GPHN: variants seen among roughly 807,000 people sequenced by gnomAD.
GPHN encodes gephyrin.
Under a neutral mutation model 95.5 loss-of-function variants are expected in GPHN, and 17 were observed. That is an observed-to-expected ratio of 0.18 (90% CI 0.12 to 0.27). The LOEUF (loss-of-function observed/expected upper bound fraction) is 0.27, where lower values mean the gene tolerates loss of function less well. Among genes scored for constraint, GPHN ranks in the 10% least tolerant of loss-of-function variants. The pLI, the probability that GPHN is intolerant of heterozygous loss-of-function variation, is 1.00. For synonymous variants in GPHN, 320 were observed against 322.5 expected (o/e 0.99, Z 0.08); for missense variants, 660 against 978.1 (o/e 0.67, Z 4.34).
the GPHN span, chr14:67,271,959 T>C: frequency 4.0e-5 from 6 of 151,856 alleles, no homozygotes; most frequent in Non-Finnish European, 7.4e-5. Context: ...TAATCTCAGC[T>C]ACTCAGGAGG....
intron 12 of GPHN, among the ~76,000 whole-genome samples, chr14:67,100,034 T>A (rs553265272): frequency 4.6e-5 from 7 of 152,304 alleles, no homozygotes; most frequent in Admixed American, 3.9e-4. Flanking sequence ...CTAGCCATTG[T>A]TATACTGTAC....
At chr14:66,811,263 C>T (rs910391777) in intron 3 of GPHN, among the ~76,000 whole-genome samples, 1 of 151,962 alleles carries the variant, frequency 6.6e-6, no homozygotes, top group Non-Finnish European at 1.5e-5. Flanking sequence ...ACCCATGTAA[C>T]AAACCTGAAC....
chr14:67,186,623 A>AT (rs1408459170), downstream of GPHN, among the ~76,000 whole-genome samples: 4 of 152,292 alleles, frequency 2.6e-5, no homozygotes, highest in East Asian at 5.8e-4. Flanking sequence ...CCAGTTGCTG[A>AT]TTCTGAGAAT....
At chr14:67,067,937 C>T (rs1196631638) in intron 11 of GPHN, among the ~76,000 whole-genome samples, 6 of 152,238 alleles carry the variant, frequency 3.9e-5, no homozygotes, top group Non-Finnish European at 7.3e-5. Flanking sequence ...CGCCCTGCTT[C>T]GACTCGCCCT....
At chr14:67,182,862 T>G (rs1009844025), downstream of GPHN, among the ~76,000 whole-genome samples, 5 of 132,226 alleles carry the variant, frequency 3.8e-5, no homozygotes. Flanking sequence ...TTTTTTTTTG[T>G]AGAGGCACAG....
the GPHN span, chr14:67,335,119 A>AGAT: frequency 1.2e-4 from 18 of 149,988 alleles, no homozygotes; most frequent in Admixed American, 3.3e-4. Flanking sequence ...AGGAAGTCTG[A>AGAT]GATGATAAAT....
the GPHN span, chr14:67,340,032 C>CAAAAAAAAAAAAAAAAAAAAAAAAAAA: frequency 1.4e-5 from 1 of 71,698 alleles, no homozygotes. Flanking sequence ...CTCTGTCTCA[C>CAAAAAAAAAAAAAAAAAAAAAAAAAAA]AAAAAAAAAA....
chr14:67,456,282 A>G, the GPHN span, among the ~76,000 whole-genome samples: 1 of 152,218 alleles, frequency 6.6e-6, no homozygotes, highest in Non-Finnish European at 1.5e-5. Context: ...ATCTCATACG[A>G]GTCAGAATGA....
the GPHN span, among the ~76,000 whole-genome samples, chr14:67,608,936 C>G: frequency 4.9e-3 from 743 of 152,316 alleles, 35 homozygotes; most frequent in East Asian, 0.082. Context: ...GTATGGGGGG[C>G]TTTCCCCATA....
intron 1 of GPHN, among the ~76,000 whole-genome samples, chr14:66,594,445 C>G (rs552509927): frequency 6.6e-6 from 1 of 152,252 alleles, no homozygotes; most frequent in South Asian, 2.1e-4. Flanking sequence ...ATCAAAACAG[C>G]ATGGTGCTGG....
chr14:66,760,084 C>T (rs187944761), intron 2 of GPHN, among the ~76,000 whole-genome samples: 70 of 152,236 alleles, frequency 4.6e-4, no homozygotes, highest in South Asian at 3.9e-3. Context: ...CTTTACAGCA[C>T]TTACAATATT....
chr14:67,594,465 G>A, the GPHN span, among the ~76,000 whole-genome samples: 1 of 151,838 alleles, frequency 6.6e-6, no homozygotes, highest in Non-Finnish European at 1.5e-5. Flanking sequence ...TGGCCAACAT[G>A]GTGAAACCCC....
the GPHN span, among the ~76,000 whole-genome samples, chr14:67,669,436 C>CA: frequency 6.9e-6 from 1 of 144,712 alleles, no homozygotes; most frequent in East Asian, 2.0e-4. Context: ...CACTACTCAG[C>CA]TTTTTTTTTT....
At chr14:67,456,281 G>A in the GPHN span, among the ~76,000 whole-genome samples, 2 of 152,108 alleles carry the variant, frequency 1.3e-5, no homozygotes, top group Non-Finnish European at 2.9e-5. Flanking sequence ...CATCTCATAC[G>A]AGTCAGAATG....
chr14:66,930,057 G>A (rs1039173450), intron 8 of GPHN, among the ~76,000 whole-genome samples: 1 of 152,184 alleles, frequency 6.6e-6, no homozygotes, highest in Non-Finnish European at 1.5e-5. Flanking sequence ...GTGACCAACA[G>A]ATTGTTAGGT....
chr14:67,060,435 G>C (rs1188315270), intron 11 of GPHN, among the ~76,000 whole-genome samples: 2 of 152,070 alleles, frequency 1.3e-5, no homozygotes, highest in East Asian at 3.8e-4. Context: ...CTTTGAATTG[G>C]ATCAAACTCA....
intron 2 of GPHN, 67 bp downstream of exon 2, chr14:66,681,252 A>G: frequency 9.9e-7 from 1 of 1,010,358 alleles, no homozygotes; most frequent in African/African-American, 1.6e-5. Flanking sequence ...TTTTCTCAAA[A>G]GAGTTTTATG....
intron 1 of GPHN, among the ~76,000 whole-genome samples, chr14:66,548,009 G>A (rs2059663390): frequency 6.6e-6 from 1 of 151,374 alleles, no homozygotes; most frequent in African/African-American, 2.4e-5. Context: ...GAAGGTTTGT[G>A]GCAACCTTTT....
intron 5 of GPHN, among the ~76,000 whole-genome samples, chr14:66,890,394 G>C (rs113466718): frequency 2.2e-5 from 3 of 135,180 alleles, no homozygotes; most frequent in South Asian, 2.4e-4. Flanking sequence ...CTGGGCAACA[G>C]AGTGAGACCC....
Sources: gnomAD v4.1 joint callset for allele counts (sites outside exome capture counted in the v4.1 genomes callset) on GRCh38, gnomAD v4.1.1 for gene constraint, MANE v1.5 for transcripts, NCBI Gene and HGNC (gene_info 2026-07-23, HGNC 2026-07-21) for gene names.